EXOC4: variants seen among roughly 807,000 people sequenced by gnomAD.
EXOC4 encodes SEC8-like 1.
EXOC4 carries 71 observed loss-of-function variants against 107.2 expected under a neutral mutation model. That is an observed-to-expected ratio of 0.66 (90% CI 0.55 to 0.81). The LOEUF (loss-of-function observed/expected upper bound fraction) is 0.81, where lower values mean the gene tolerates loss of function less well. EXOC4 is among the 30% of genes least tolerant of loss of function. The probability of loss-of-function intolerance (pLI) is 0.00; values close to 1 mark genes in which losing one functional copy is unlikely to be tolerated. For missense variants in EXOC4, 1,108 were observed against 1,189.6 expected (o/e 0.93, Z 1.01); for synonymous variants, 456 against 441.2 (o/e 1.03, Z -0.42).
chr7:133,687,341 A>G (rs978559293), intron 10 of EXOC4, among the ~76,000 whole-genome samples: 3 of 152,078 alleles, frequency 2.0e-5, no homozygotes, highest in African/African-American at 7.2e-5. Context: ...AAATCTCCCA[A>G]ATCACCATCA....
intron 7 of EXOC4, among the ~76,000 whole-genome samples, chr7:133,423,347 A>T (rs1016525383): frequency 6.6e-6 from 1 of 152,232 alleles, no homozygotes; most frequent in Non-Finnish European, 1.5e-5. Context: ...AGACTTCATA[A>T]TATATGGTAA....
At chr7:133,456,589 C>T (rs1009303141) in intron 7 of EXOC4, among the ~76,000 whole-genome samples, 1 of 152,108 alleles carries the variant, frequency 6.6e-6, no homozygotes, top group African/African-American at 2.4e-5. Context: ...ATGAATTGAA[C>T]TCTGCAAACT....
At chr7:134,076,958 ATGTG>A in the EXOC4 span, among the ~76,000 whole-genome samples, 5 of 148,822 alleles carry the variant, frequency 3.4e-5, no homozygotes, top group South Asian at 1.1e-3. Flanking sequence ...GGATCTGCAT[ATGTG>A]TGTGTGTGTG....
In EXOC4 at chr7:133,263,325, T is replaced by A. The variant is rs568290891; in HGVS notation, c.86+10138T>A. On this transcript the variant is annotated intron_variant, in intron 1 of 17. Coordinates refer to ENST00000253861, the MANE Select transcript of EXOC4 (RefSeq NM_021807.4). ...GAAGCCAATTGTAATTGTTAAAATT[T>A]TTTTTTCTGAGATAAACATTATATA... is the stretch of plus-strand genomic sequence containing the variant. Among the ~76,000 whole-genome samples the A allele has an allele frequency of 1.1e-3, 163 of 152,176 alleles. 1 individual carries two copies. In the South Asian group the frequency reaches 0.033, roughly 31 times the overall value.
chr7:133,538,106 A>G (rs1462436324), intron 9 of EXOC4, among the ~76,000 whole-genome samples: 5 of 152,202 alleles, frequency 3.3e-5, no homozygotes, highest in Admixed American at 6.5e-5. Flanking sequence ...CCAAGACCCT[A>G]TAACAGGCAA....
At position 133,288,906 on chromosome 7, in the gene EXOC4, A is replaced by C; in HGVS notation, c.277-16A>C. 6.2e-7 allele frequency: 1 copy of C among 1,612,688 alleles called. No individual in the cohort carries two copies. The highest frequency in any genetic ancestry group is 8.5e-7 in the Non-Finnish European group (1 of 1,178,882). ...AGACTTTGGACTGACCCAAGACCGA[A>C]TCTGTTTTATTGTAGGTAAAAGAGA... On this transcript the variant is annotated splice_polypyrimidine_tract_variant and intron_variant, in intron 2 of 17. Coordinates refer to ENST00000253861, the MANE Select transcript of EXOC4 (RefSeq NM_021807.4).
At chr7:133,855,399 A>G (rs1354722655) in intron 11 of EXOC4, among the ~76,000 whole-genome samples, 5 of 151,806 alleles carry the variant, frequency 3.3e-5, no homozygotes, top group African/African-American at 1.2e-4. Flanking sequence ...AAATGAAAAG[A>G]TGTACACACG....
chr7:133,703,683 T>C (rs544828756), intron 10 of EXOC4, among the ~76,000 whole-genome samples: 1 of 152,360 alleles, frequency 6.6e-6, no homozygotes, highest in African/African-American at 2.4e-5. Context: ...ATTACGCTTA[T>C]GCATGCCTAC....
At chr7:133,537,078 T>C (rs907055441) in intron 9 of EXOC4, among the ~76,000 whole-genome samples, 1 of 152,198 alleles carries the variant, frequency 6.6e-6, no homozygotes, top group African/African-American at 2.4e-5. Flanking sequence ...GTTGGTAATA[T>C]GTGAGATGTG....
chr7:133,992,427 C>T (rs1794284746), intron 14 of EXOC4, among the ~76,000 whole-genome samples: 1 of 152,030 alleles, frequency 6.6e-6, no homozygotes, highest in South Asian at 2.1e-4. Flanking sequence ...AGATTATAGG[C>T]ACCCGCCACC....
At chr7:133,711,766 A>G (rs1585095973) in intron 10 of EXOC4, among the ~76,000 whole-genome samples, 2 of 152,228 alleles carry the variant, frequency 1.3e-5, no homozygotes, top group East Asian at 3.9e-4. Context: ...GTTGGGAGAG[A>G]GGGTTCATTT....
At chr7:133,301,094 C>T (rs577832937) in intron 3 of EXOC4, among the ~76,000 whole-genome samples, 2 of 152,320 alleles carry the variant, frequency 1.3e-5, no homozygotes, top group East Asian at 3.9e-4. Flanking sequence ...GACCTGGAGG[C>T]TTCTTGTGCC....
chr7:133,282,454 A>C (rs1245698322), intron 2 of EXOC4, among the ~76,000 whole-genome samples: 3 of 152,202 alleles, frequency 2.0e-5, no homozygotes, highest in Non-Finnish European at 4.4e-5. Context: ...AGAGTAACAT[A>C]ATTTTTCAAT....
chr7:133,609,139 T>C (rs1173066814), intron 9 of EXOC4, among the ~76,000 whole-genome samples: 1 of 152,174 alleles, frequency 6.6e-6, no homozygotes, highest in African/African-American at 2.4e-5. Flanking sequence ...ATCCATCAAT[T>C]GGGATATCTG....
chr7:133,593,618 ACT>A, intron 9 of EXOC4, among the ~76,000 whole-genome samples: 1 of 152,034 alleles, frequency 6.6e-6, no homozygotes, highest in South Asian at 2.1e-4. Context: ...GAATTATAGA[ACT>A]CTCTCCTGAT....
At chr7:133,682,533 C>T (rs567085087) in intron 10 of EXOC4, among the ~76,000 whole-genome samples, 1 of 152,220 alleles carries the variant, frequency 6.6e-6, no homozygotes, top group South Asian at 2.1e-4. Context: ...TTTTTGTTCC[C>T]AGTTTTGGGT....
At chr7:133,431,196 T>C (rs1797848774) in intron 7 of EXOC4, among the ~76,000 whole-genome samples, 1 of 152,246 alleles carries the variant, frequency 6.6e-6, no homozygotes, top group Non-Finnish European at 1.5e-5. Context: ...CTGAACTTCA[T>C]GGTCCATTGC....
intron 10 of EXOC4, among the ~76,000 whole-genome samples, chr7:133,668,659 T>C (rs889643088): frequency 3.3e-5 from 5 of 152,236 alleles, no homozygotes; most frequent in Non-Finnish European, 5.9e-5. Context: ...TTCTTCCTAC[T>C]GAATGCTGTT....
At chr7:134,078,301 A>G in the EXOC4 span, among the ~76,000 whole-genome samples, 1 of 151,618 alleles carries the variant, frequency 6.6e-6, no homozygotes, top group Non-Finnish European at 1.5e-5. Flanking sequence ...AACAGAAAAA[A>G]AACTATAATA....
Sources: allele counts gnomAD v4.1 joint callset (sites outside exome capture counted in the v4.1 genomes callset), GRCh38; gene constraint gnomAD v4.1.1; transcripts MANE v1.5; gene names NCBI Gene and HGNC (gene_info 2026-07-23, HGNC 2026-07-21).